The following ANO10 variants were observed in gnomAD, a reference collection of about 807,000 sequenced individuals.
ANO10 encodes the protein anoctamin 10.
In ANO10, 77 loss-of-function variants were observed where a neutral mutation model predicts 74.7. The ratio of observed to expected loss-of-function variants is 1.03; its 90% CI spans 0.86 to 1.25. The LOEUF (loss-of-function observed/expected upper bound fraction) is 1.25. Among genes scored for constraint, ANO10 ranks in the 50% most tolerant of loss-of-function variants. The pLI, the probability that ANO10 is intolerant of heterozygous loss-of-function variation, is 0.00. For synonymous variants in ANO10, 279 were observed against 284.9 expected (o/e 0.98, Z 0.21); for missense variants, 721 against 778.1 (o/e 0.93, Z 0.87).
chr3:43,535,202 A>G (rs775020434), intron 11 of ANO10, among the ~76,000 whole-genome samples: 4 of 150,912 alleles, frequency 2.7e-5, no homozygotes, highest in Non-Finnish European at 5.9e-5. Flanking sequence ...TCAAACAAGT[A>G]ATCTGCCTGC....
intron 11 of ANO10, among the ~76,000 whole-genome samples, chr3:43,506,994 C>T (rs909092071): frequency 5.9e-5 from 9 of 152,072 alleles, no homozygotes; most frequent in South Asian, 4.1e-4. Context: ...ATCCTCACTG[C>T]GAAGAAAAGT....
rs570836610 is a variant in ANO10 at position 43,444,657 on chromosome 3, C to T, written c.1798-11930G>A. Among the ~76,000 whole-genome samples, 7 of 152,204 alleles carry T rather than the reference C, an allele frequency of 4.6e-5. No homozygotes were observed. The East Asian group carries it at 9.7e-4, about 21-fold the overall frequency. On this transcript the variant is annotated intron_variant, in intron 11 of 12. Transcript: ENST00000292246. ...GTTAGCTATAAGGCAGATGTGGTACCGCAGGGGCCACAGGAAAGTGGGTGG... is the reference window on the plus strand; with the variant it reads ...GTTAGCTATAAGGCAGATGTGGTACTGCAGGGGCCACAGGAAAGTGGGTGG...
At chr3:43,376,498 G>T (rs1010763864) in intron 12 of ANO10, among the ~76,000 whole-genome samples, 1 of 152,096 alleles carries the variant, frequency 6.6e-6, no homozygotes, top group South Asian at 2.1e-4. Flanking sequence ...TAATCTTAAA[G>T]AAGTAATATA....
At chr3:43,612,138 TTTTATATATATATATATATA>T (rs1413674306) in intron 1 of ANO10, among the ~76,000 whole-genome samples, 129 of 89,212 alleles carry the variant, frequency 1.4e-3, no homozygotes, top group Middle Eastern at 5.6e-3. Flanking sequence ...AAATTAAATA[TTTTATATATATATATATATA>T]TATATATATA....
intron 11 of ANO10, among the ~76,000 whole-genome samples, chr3:43,449,157 G>A (rs1005237512): frequency 3.3e-5 from 5 of 152,038 alleles, no homozygotes; most frequent in Admixed American, 6.6e-5. Flanking sequence ...GATTACAGGC[G>A]TGAGCCACCA....
At chr3:43,518,434 A>G (rs1194538597) in intron 11 of ANO10, among the ~76,000 whole-genome samples, 1 of 152,168 alleles carries the variant, frequency 6.6e-6, no homozygotes. Context: ...AATTGTTTGT[A>G]GAGCATGTGT....
rs144410144 is a variant in ANO10 at position 43,485,466 on chromosome 3, C to T, written c.1798-52739G>A. Among the ~76,000 whole-genome samples, 463 of 152,250 alleles carry T rather than the reference C, an allele frequency of 3.0e-3. 2 individuals are homozygous for T. The highest frequency in any genetic ancestry group is 0.011 in the African/African-American group (446 of 41,540). The stretch of plus-strand genomic sequence containing the variant: ...TGGGTTCCAAGGTTCTCTTCCGTGA[C>T]CCACGACTTCTAATAGAGCTATAAC... On this transcript the variant is annotated intron_variant, in intron 11 of 12. Transcript: ENST00000292246.
chr3:43,528,127 G>GT, intron 11 of ANO10, among the ~76,000 whole-genome samples: 2 of 151,600 alleles, frequency 1.3e-5, no homozygotes, highest in South Asian at 2.1e-4. Flanking sequence ...AAAAAACTCA[G>GT]TAAGCTACCC....
At chr3:43,517,679 G>A (rs902516872) in intron 11 of ANO10, among the ~76,000 whole-genome samples, 1 of 152,124 alleles carries the variant, frequency 6.6e-6, no homozygotes, top group African/African-American at 2.4e-5. Flanking sequence ...CACCTTGCTT[G>A]GATTTTTGTT....
At chr3:43,372,350 T>C (rs188251352) in intron 12 of ANO10, among the ~76,000 whole-genome samples, 1 of 152,098 alleles carries the variant, frequency 6.6e-6, no homozygotes, top group Non-Finnish European at 1.5e-5. Flanking sequence ...CCCCAGACCA[T>C]CCCACTCTTG....
At chr3:43,423,134 G>T (rs1323758063) in intron 12 of ANO10, among the ~76,000 whole-genome samples, 2 of 150,968 alleles carry the variant, frequency 1.3e-5, no homozygotes, top group Non-Finnish European at 3.0e-5. Flanking sequence ...AAAAAAAAAG[G>T]ATTTGAGCTT....
At chr3:43,585,884 T>G (rs1326177831) in intron 4 of ANO10, among the ~76,000 whole-genome samples, 1 of 152,330 alleles carries the variant, frequency 6.6e-6, no homozygotes, top group African/African-American at 2.4e-5. Flanking sequence ...GAAAGATACC[T>G]CTGCCCTGTT....
intron 11 of ANO10, among the ~76,000 whole-genome samples, chr3:43,458,877 C>G (rs2075258010): frequency 6.6e-6 from 1 of 152,156 alleles, no homozygotes; most frequent in Admixed American, 6.6e-5. Context: ...TCTCATTGTT[C>G]AGCTCCCACT....
intron 11 of ANO10, among the ~76,000 whole-genome samples, chr3:43,449,790 A>G (rs2074774432): frequency 6.6e-6 from 1 of 152,138 alleles, no homozygotes; most frequent in African/African-American, 2.4e-5. Flanking sequence ...CTCCACATAA[A>G]CAATAGAATC....
At chr3:43,488,360 C>A (rs1310382202) in intron 11 of ANO10, among the ~76,000 whole-genome samples, 209 of 149,096 alleles carry the variant, frequency 1.4e-3, no homozygotes, top group African/African-American at 4.0e-3. Context: ...AGCAAAAGAA[C>A]CTACCATCAG....
At chr3:43,634,781 A>C (rs768775106) in intron 1 of ANO10, among the ~76,000 whole-genome samples, 2 of 152,210 alleles carry the variant, frequency 1.3e-5, no homozygotes, top group Non-Finnish European at 2.9e-5. Context: ...ACACATAAAT[A>C]TAAGATAAAG....
intron 12 of ANO10, among the ~76,000 whole-genome samples, chr3:43,380,689 G>C: frequency 6.6e-6 from 1 of 152,078 alleles, no homozygotes; most frequent in East Asian, 1.9e-4. Flanking sequence ...CTGCTAAAAG[G>C]AGCTCTAAAT....
At chr3:43,491,728 T>C (rs1186507514) in intron 11 of ANO10, among the ~76,000 whole-genome samples, 1 of 152,112 alleles carries the variant, frequency 6.6e-6, no homozygotes, top group African/African-American at 2.4e-5. Context: ...AGGCAAGAAC[T>C]GAAGTTGCTG....
At chr3:43,380,107 A>T (rs576392374) in intron 12 of ANO10, among the ~76,000 whole-genome samples, 1 of 152,202 alleles carries the variant, frequency 6.6e-6, no homozygotes, top group Non-Finnish European at 1.5e-5. Flanking sequence ...CTCAAAGACA[A>T]GGCTTTCAAA....
Sources: gnomAD v4.1 joint callset for allele counts (sites outside exome capture counted in the v4.1 genomes callset) on GRCh38, gnomAD v4.1.1 for gene constraint, MANE v1.5 for transcripts, NCBI Gene and HGNC (gene_info 2026-07-23, HGNC 2026-07-21) for gene names.